The following IQCM variants were observed in gnomAD, a reference collection of about 807,000 sequenced individuals.
The protein encoded by IQCM is IQ domain-containing protein M.
IQCM carries 45 observed loss-of-function variants against 57.6 expected under a neutral mutation model. The ratio of observed to expected loss-of-function variants is 0.78; its 90% CI spans 0.62 to 1.00. IQCM has a LOEUF of 1.00. Ranked by LOEUF, IQCM falls within the 50% of genes least tolerant of loss-of-function variation. The probability of loss-of-function intolerance (pLI) is 0.00; values close to 1 mark genes in which losing one functional copy is unlikely to be tolerated. For synonymous variants in IQCM, 148 were observed against 158.9 expected, an observed-to-expected ratio of 0.93 and a Z score of 0.51; for missense variants, 468 against 511.6, an observed-to-expected ratio of 0.91 and a Z score of 0.82.
At chr4:149,741,770 T>G (rs1767480011) in intron 3 of IQCM, among the ~76,000 whole-genome samples, 1 of 152,192 alleles carries the variant, frequency 6.6e-6, no homozygotes, top group South Asian at 2.1e-4. Flanking sequence ...TTAATAATAA[T>G]GTATGGTATA....
chr4:149,621,129 A>C lies in IQCM; in HGVS notation c.681T>G (p.Ser227=). The C allele has an allele frequency of 8.3e-7, 1 of 1,203,340 alleles. No individual in the cohort carries two copies. Among genetic ancestry groups the C allele is most frequent in the Non-Finnish European group, 1.0e-6 (1 of 961,774 alleles). 74.5% of individuals were successfully genotyped at this position (1,203,340 alleles called of 1,614,324 possible). The change falls in exon 8 of 14, where the codon TCT becomes TCG. Residue 227 remains serine (S), a splice_region_variant and synonymous_variant. Coordinates refer to ENST00000636793, the MANE Select transcript of IQCM (RefSeq NM_001363507.2). The stretch of plus-strand genomic sequence containing the variant: ...TACATCCAGTTTTATAAATACTTAC[A>C]GAATAATAATCCCGAAATATTGATG... The part of the protein sequence containing the change: ...QSSSIFRDYY[S]KTFKTLIKKE...
intron 8 of IQCM, among the ~76,000 whole-genome samples, chr4:149,611,814 T>C (rs1017209465): frequency 6.6e-6 from 1 of 151,996 alleles, no homozygotes; most frequent in Non-Finnish European, 1.5e-5. Flanking sequence ...TTATTGTATA[T>C]TTCAAAATAA....
At chr4:149,601,132 G>A (rs886713258) in intron 8 of IQCM, among the ~76,000 whole-genome samples, 4 of 152,208 alleles carry the variant, frequency 2.6e-5, no homozygotes, top group Admixed American at 6.5e-5. Flanking sequence ...TTTTAAAACA[G>A]TGTTTCTCAA....
At chr4:149,765,757 C>T (rs528779511) in intron 2 of IQCM, among the ~76,000 whole-genome samples, 61 of 152,180 alleles carry the variant, frequency 4.0e-4, no homozygotes, top group Middle Eastern at 3.4e-3. Context: ...GTGACTTCCC[C>T]ATTTGCTCCT....
In IQCM at chr4:149,553,252, A is replaced by G; in HGVS notation, c.984T>C (p.Ile328=). 8.1e-7 allele frequency: 1 copy of G among 1,231,974 alleles called. No homozygotes were observed. The highest frequency in any genetic ancestry group is 1.0e-6 in the Non-Finnish European group (1 of 987,816). 76.3% of individuals were successfully genotyped at this position (1,231,974 alleles called of 1,614,324 possible). ...LDHGPDMKAV[I]NMYGRLIHRV... is the part of the protein sequence containing the mutation. Reference sequence around the variant, plus strand: ...GGTGGATTAGTCTGCCATACATGTTAATAACTGCTTTCATATCTGGTCCAT... The same window carrying G: ...GGTGGATTAGTCTGCCATACATGTTGATAACTGCTTTCATATCTGGTCCAT... Residue 328 remains isoleucine (I), a synonymous_variant, in exon 11 of 14, where the codon ATT becomes ATC. Transcript: ENST00000636793.
chr4:149,525,734 C>T (rs1746094280), intron 12 of IQCM, among the ~76,000 whole-genome samples: 1 of 151,474 alleles, frequency 6.6e-6, no homozygotes, highest in Admixed American at 6.6e-5. Flanking sequence ...AAAAGGTAAA[C>T]CAAAAGTGTA....
intron 5 of IQCM, among the ~76,000 whole-genome samples, chr4:149,704,150 C>T (rs1763981051): frequency 6.6e-6 from 1 of 151,862 alleles, no homozygotes; most frequent in Admixed American, 6.6e-5. Flanking sequence ...TTATTATAAA[C>T]TATATTCCTA....
At position 149,622,342 on chromosome 4, in the gene IQCM, C is replaced by CTTTTT. The variant is rs767957507; in HGVS notation, c.566-1103_566-1099dup. 1.7e-3 allele frequency among the ~76,000 whole-genome samples: 234 copies of CTTTTT among 140,546 alleles called. 6 individuals are homozygous for CTTTTT. Among genetic ancestry groups the CTTTTT allele is most frequent in the Non-Finnish European group, 2.8e-3 (183 of 65,576 alleles). 92.2% of individuals were successfully genotyped at this position (140,546 alleles called of 152,430 possible). On this transcript the variant is annotated intron_variant, in intron 7 of 13. Coordinates refer to ENST00000636793, the MANE Select transcript of IQCM (RefSeq NM_001363507.2). The stretch of plus-strand genomic sequence containing the variant: ...CAATCCAATGTGAATCAGTGGAATT[C>CTTTTT]TTTTTTATTTTTTTTTTGGAGACGT...
chr4:149,526,075 G>C (rs947332089), intron 12 of IQCM, among the ~76,000 whole-genome samples: 1 of 151,822 alleles, frequency 6.6e-6, no homozygotes, highest in African/African-American at 2.4e-5. Flanking sequence ...GAAATAAAAA[G>C]ATGTGCTCAA....
intron 5 of IQCM, among the ~76,000 whole-genome samples, chr4:149,729,947 A>C (rs1281058855): frequency 6.6e-6 from 1 of 152,124 alleles, no homozygotes; most frequent in Non-Finnish European, 1.5e-5. Context: ...GACTTTTCTC[A>C]GTTTATCTCA....
intron 12 of IQCM, among the ~76,000 whole-genome samples, chr4:149,476,021 T>C (rs1052536339): frequency 6.6e-6 from 1 of 151,948 alleles, no homozygotes; most frequent in African/African-American, 2.4e-5. Flanking sequence ...TTTTTTAAGA[T>C]GGGAAGAATA....
At chr4:149,448,969 T>C (rs1736796336) in intron 12 of IQCM, among the ~76,000 whole-genome samples, 1 of 151,766 alleles carries the variant, frequency 6.6e-6, no homozygotes, top group Non-Finnish European at 1.5e-5. Flanking sequence ...TCCCAATTCA[T>C]TATATGAGTC....
chr4:149,651,826 A>T (rs545104217), intron 7 of IQCM, among the ~76,000 whole-genome samples: 1 of 152,304 alleles, frequency 6.6e-6, no homozygotes, highest in Admixed American at 6.5e-5. Context: ...GATGTGAAGA[A>T]ATAGAAATGC....
intron 12 of IQCM, among the ~76,000 whole-genome samples, chr4:149,475,703 C>CA (rs1740113340): frequency 6.6e-6 from 1 of 151,262 alleles, no homozygotes; most frequent in Non-Finnish European, 1.5e-5. Flanking sequence ...GGATGAAAGC[C>CA]AAAAAAGTGG....
intron 13 of IQCM, among the ~76,000 whole-genome samples, chr4:149,400,196 G>A (rs1250028115): frequency 6.6e-6 from 1 of 150,448 alleles, no homozygotes; most frequent in African/African-American, 2.4e-5. Flanking sequence ...TGGGACATCA[G>A]GAATAGGTTT....
At chr4:149,491,780 G>C (rs1742121974) in intron 12 of IQCM, among the ~76,000 whole-genome samples, 1 of 152,020 alleles carries the variant, frequency 6.6e-6, no homozygotes, top group Non-Finnish European at 1.5e-5. Flanking sequence ...TCAGAAGTGA[G>C]ATTGCTGGAT....
intron 2 of IQCM, among the ~76,000 whole-genome samples, chr4:149,750,007 A>G (rs116309907): frequency 0.013 from 1,906 of 152,326 alleles, 15 homozygotes; most frequent in South Asian, 0.018. Context: ...GTCCTAAAGC[A>G]TTAGCATTAC....
intron 13 of IQCM, among the ~76,000 whole-genome samples, chr4:149,423,336 A>C (rs1051254694): frequency 1.3e-5 from 2 of 151,968 alleles, no homozygotes; most frequent in African/African-American, 4.8e-5. Flanking sequence ...CATCATGAGA[A>C]CTGCATGGGG....
chr4:149,773,069 C>A (rs546367898), intron 2 of IQCM, among the ~76,000 whole-genome samples: 1 of 152,232 alleles, frequency 6.6e-6, no homozygotes, highest in African/African-American at 2.4e-5. Flanking sequence ...GAATTACTAT[C>A]GGCCGGGCGT....
Sources: gnomAD v4.1 joint callset for allele counts (sites outside exome capture counted in the v4.1 genomes callset) on GRCh38, gnomAD v4.1.1 for gene constraint, MANE v1.5 for transcripts, NCBI Gene and HGNC (gene_info 2026-07-23, HGNC 2026-07-21) for gene names.